Variants in COL8A1 observed in about 807,000 individuals in gnomAD.
The protein encoded by COL8A1 is collagen type VIII alpha 1 chain.
COL8A1 carries 21 observed loss-of-function variants against 42.7 expected under a neutral mutation model. The observed-to-expected ratio is 0.49, with a 90% confidence interval of 0.35 to 0.71. The LOEUF (loss-of-function observed/expected upper bound fraction) is 0.71, where lower values mean the gene tolerates loss of function less well. COL8A1 is among the 30% of genes least tolerant of loss of function. The pLI is 0.01. For missense variants in COL8A1, 788 were observed against 962.4 expected, an observed-to-expected ratio of 0.82 and a Z score of 2.40; for synonymous variants, 367 against 369.1, an observed-to-expected ratio of 0.99 and a Z score of 0.06.
At chr3:99,704,257 A>G (rs927463634) in intron 1 of COL8A1, among the ~76,000 whole-genome samples, 9 of 152,182 alleles carry the variant, frequency 5.9e-5, no homozygotes, top group African/African-American at 1.9e-4. Flanking sequence ...AATGAATCCC[A>G]ACAGATAACC....
At chr3:99,727,446 G>C (rs7629046) in intron 1 of COL8A1, among the ~76,000 whole-genome samples, 69,396 of 151,724 alleles carry the variant, frequency 0.46, 16,238 homozygotes, top group East Asian at 0.63. Context: ...ACTTCCAACA[G>C]TATGTTGAAT....
intron 1 of COL8A1, among the ~76,000 whole-genome samples, chr3:99,670,811 C>G (rs560984089): frequency 5.3e-5 from 8 of 152,106 alleles, no homozygotes; most frequent in Admixed American, 5.2e-4. Context: ...TCTCTACTTG[C>G]ATGAGTTCAA....
chr3:99,727,342 A>G (rs1282068246), intron 1 of COL8A1, among the ~76,000 whole-genome samples: 2 of 152,146 alleles, frequency 1.3e-5, no homozygotes, highest in Admixed American at 6.6e-5. Context: ...CTAGATATAC[A>G]GTCATGTCAT....
At position 99,780,748 on chromosome 3, in the gene COL8A1, C is replaced by A. The variant is rs1013192344; in HGVS notation, c.-3-9932C>A. On this transcript the variant is annotated intron_variant, in intron 2 of 3. Transcript: ENST00000652472. ...AAGACCTGGCATCTGTTACATAATA[C>A]TCTGCCCTTTCCTTTCTCCACTTCC... 1.3e-5 allele frequency among the ~76,000 whole-genome samples: 2 copies of A among 152,198 alleles called. 1 individual carries two copies. The highest frequency in any genetic ancestry group is 4.8e-5 in the African/African-American group (2 of 41,454).
intron 2 of COL8A1, among the ~76,000 whole-genome samples, chr3:99,774,991 G>A (rs951874768): frequency 6.6e-6 from 1 of 152,216 alleles, no homozygotes. Context: ...AATGTATAGA[G>A]GAAGAAACAG....
rs114494245 is a variant in COL8A1 at position 99,764,760 on chromosome 3, C to T, written c.-4+19739C>T. On this transcript the variant is annotated intron_variant, in intron 2 of 3. Transcript: ENST00000652472. ...TGTCGCCCAGGCCGGAGTGCAGTGG[C>T]GAGATCTTGGTTCATCTGCAACCTC... Among the ~76,000 whole-genome samples the T allele has an allele frequency of 4.8e-3, 610 of 127,186 alleles. 6 individuals are homozygous for T. The highest frequency in any genetic ancestry group is 0.018 in the African/African-American group (582 of 32,528). The allele number at this position is 127,186 out of a possible 152,430, so 83.4% of individuals were successfully genotyped here.
chr3:99,644,088 A>C (rs962632423), intron 1 of COL8A1, among the ~76,000 whole-genome samples: 1 of 152,180 alleles, frequency 6.6e-6, no homozygotes, highest in Non-Finnish European at 1.5e-5. Context: ...GAAACAGAGG[A>C]GGGAGAATCT....
chr3:99,764,715 T>TTTTTTTTTTTG, intron 2 of COL8A1, among the ~76,000 whole-genome samples: 1 of 149,520 alleles, frequency 6.7e-6, no homozygotes, highest in South Asian at 2.1e-4. Context: ...TTTTTTTTTT[T>TTTTTTTTTTTG]TTGAGATGGA....
At chr3:99,728,845 T>C (rs1376851020) in intron 1 of COL8A1, among the ~76,000 whole-genome samples, 2 of 152,046 alleles carry the variant, frequency 1.3e-5, no homozygotes, top group Admixed American at 6.6e-5. Flanking sequence ...ATTTGCTCTA[T>C]ACTCTCAAAT....
chr3:99,750,043 T>TTTC, intron 2 of COL8A1, among the ~76,000 whole-genome samples: 1 of 144,282 alleles, frequency 6.9e-6, no homozygotes, highest in Non-Finnish European at 1.5e-5. Context: ...TTTTTCTTTT[T>TTTC]TTCTTCTTTT....
chr3:99,748,533 T>C (rs1180949769), intron 2 of COL8A1, among the ~76,000 whole-genome samples: 1 of 152,186 alleles, frequency 6.6e-6, no homozygotes, highest in Non-Finnish European at 1.5e-5. Context: ...TAAAATTAAT[T>C]TCACCTGTTT....
At chr3:99,678,016 A>G (rs1938753182) in intron 1 of COL8A1, 1 of 152,136 alleles carries the variant, frequency 6.6e-6, no homozygotes, top group Non-Finnish European at 1.5e-5. Flanking sequence ...CAGTCAATCC[A>G]CTTTATAGAC....
At chr3:99,653,771 A>G (rs1937926050) in intron 1 of COL8A1, among the ~76,000 whole-genome samples, 1 of 151,110 alleles carries the variant, frequency 6.6e-6, no homozygotes, top group Non-Finnish European at 1.5e-5. Flanking sequence ...TTGATGCATC[A>G]ATAAATCTCC....
chr3:99,682,837 A>T (rs547833838), intron 1 of COL8A1, among the ~76,000 whole-genome samples: 1 of 145,730 alleles, frequency 6.9e-6, no homozygotes, highest in Admixed American at 7.1e-5. Flanking sequence ...AATAACAACC[A>T]CACAGCATTG....
At chr3:99,734,776 C>A (rs1940649752) in intron 1 of COL8A1, among the ~76,000 whole-genome samples, 1 of 151,976 alleles carries the variant, frequency 6.6e-6, no homozygotes, top group Non-Finnish European at 1.5e-5. Context: ...TTCTTCCTAC[C>A]CATGAGCATG....
At chr3:99,750,822 A>G (rs1369583064) in intron 2 of COL8A1, among the ~76,000 whole-genome samples, 4 of 152,340 alleles carry the variant, frequency 2.6e-5, no homozygotes, top group Middle Eastern at 6.8e-3. Context: ...GGGCTGGTAA[A>G]GCTGAAAGTT....
chr3:99,773,186 G>A (rs1941612981), intron 2 of COL8A1, among the ~76,000 whole-genome samples: 1 of 152,186 alleles, frequency 6.6e-6, no homozygotes, highest in African/African-American at 2.4e-5. Context: ...ACTGAATATA[G>A]CCATTATTAG....
intron 1 of COL8A1, among the ~76,000 whole-genome samples, chr3:99,686,404 T>A (rs1184959152): frequency 6.6e-6 from 1 of 151,984 alleles, no homozygotes; most frequent in African/African-American, 2.4e-5. Flanking sequence ...TCAGAGAGAG[T>A]AAATTTAGAG....
chr3:99,650,527 C>T (rs558462372), intron 1 of COL8A1, among the ~76,000 whole-genome samples: 18 of 152,132 alleles, frequency 1.2e-4, no homozygotes, highest in Admixed American at 6.5e-4. Context: ...CTTCACCTCC[C>T]GGGTTCAAGT....
Sources: gnomAD v4.1 joint callset for allele counts (sites outside exome capture counted in the v4.1 genomes callset) on GRCh38, gnomAD v4.1.1 for gene constraint, MANE v1.5 for transcripts, NCBI Gene and HGNC (gene_info 2026-07-23, HGNC 2026-07-21) for gene names.